PPME1: variants seen among roughly 807,000 people sequenced by gnomAD.
PPME1 encodes testicular secretory protein Li 39.
PPME1 carries 17 observed loss-of-function variants against 56.9 expected under a neutral mutation model. That is an observed-to-expected ratio of 0.30 (90% CI 0.20 to 0.45). The LOEUF (loss-of-function observed/expected upper bound fraction) is 0.45. Among genes scored for constraint, PPME1 ranks in the 20% least tolerant of loss-of-function variants. The pLI is 1.00. For synonymous variants in PPME1, 122 were observed against 156.2 expected (o/e 0.78, Z 1.63); for missense variants, 357 against 483.2 (o/e 0.74, Z 2.45).
Position 74,231,050 on chromosome 11 carries a change from G to T in PPME1, c.644+48G>T, listed in dbSNP as rs760946898. The T allele has an allele frequency of 4.2e-6, 6 of 1,444,860 alleles. No individual in the cohort carries two copies. The African/African-American group carries it at 8.5e-5, about 20-fold the overall frequency. The allele number at this position is 1,444,860 out of a possible 1,614,324, so 89.5% of individuals were successfully genotyped here. On this transcript the variant is annotated intron_variant, in intron 7 of 13. Coordinates refer to ENST00000328257, the MANE Select transcript of PPME1 (RefSeq NM_016147.3). ...CTTTATTTAATTAATTTGTTTGTTTGTTTGCTTGCTTATTTATTTATTTAG... is the reference window on the plus strand; with the variant it reads ...CTTTATTTAATTAATTTGTTTGTTTTTTTGCTTGCTTATTTATTTATTTAG...
chr11:74,219,831 T>C (rs1175492364), intron 3 of PPME1, among the ~76,000 whole-genome samples: 12 of 152,110 alleles, frequency 7.9e-5, no homozygotes, highest in Non-Finnish European at 1.5e-4. Context: ...GAATAAGATC[T>C]TGTATTTGAT....
chr11:74,195,891 CAGTT>C (rs753075503), intron 1 of PPME1, among the ~76,000 whole-genome samples: 19 of 152,102 alleles, frequency 1.2e-4, no homozygotes, highest in African/African-American at 1.9e-4. Context: ...TTTTGGGAAA[CAGTT>C]AGTGACACTT....
chr11:74,252,794 T>TA (rs1218900767), intron 13 of PPME1, among the ~76,000 whole-genome samples: 1 of 152,084 alleles, frequency 6.6e-6, no homozygotes, highest in Non-Finnish European at 1.5e-5. Context: ...CAGGGCCAGG[T>TA]CTCTCATCCT....
intron 3 of PPME1, 82 bp downstream of exon 3, chr11:74,204,527 A>C (rs1196125512): frequency 4.0e-5 from 49 of 1,216,698 alleles, no homozygotes; most frequent in Non-Finnish European, 5.4e-5. Context: ...GGAAGTTAAC[A>C]CATTCTATTT....
At position 74,235,798 on chromosome 11, in the gene PPME1, T is replaced by C. The variant is rs1859175991; in HGVS notation, c.645-103T>C. 2.0e-6 allele frequency: 3 copies of C among 1,515,492 alleles called. No individual in the cohort carries two copies. The Admixed American group carries it at 6.0e-5, about 30-fold the overall frequency. 93.9% of individuals were successfully genotyped at this position (1,515,492 alleles called of 1,614,324 possible). ...TAAGAAACACTGGTGATCACTACTT[T>C]TTATTAGGTCTCACATAATCTGTAG... On this transcript the variant is annotated intron_variant, in intron 7 of 13. Transcript: ENST00000328257.
At chr11:74,177,350 T>C (rs1857425293) in intron 1 of PPME1, among the ~76,000 whole-genome samples, 1 of 151,728 alleles carries the variant, frequency 6.6e-6, no homozygotes, top group South Asian at 2.1e-4. Flanking sequence ...TAGTCCCAGC[T>C]ACTCTGGAGG....
intron 7 of PPME1, among the ~76,000 whole-genome samples, chr11:74,235,225 C>T (rs752601835): frequency 6.6e-6 from 1 of 152,176 alleles, no homozygotes; most frequent in African/African-American, 2.4e-5. Context: ...TCATTTTGCT[C>T]TGCCTTAGTT....
rs114477744 is a variant in PPME1 at position 74,195,797 on chromosome 11, T to G, written c.102-7931T>G. On this transcript the variant is annotated intron_variant, in intron 1 of 13. Coordinates refer to ENST00000328257, the MANE Select transcript of PPME1 (RefSeq NM_016147.3). ...TAATTTAAATTTTATGTATCTTAAA[T>G]TGGAAACCTTTTCATATCTTTATGG... Among the ~76,000 whole-genome samples, 307 of 152,354 alleles carry G rather than the reference T, an allele frequency of 2.0e-3. 1 individual carries two copies. Among genetic ancestry groups the G allele is most frequent in the African/African-American group, 7.0e-3 (293 of 41,600 alleles).
chr11:74,186,931 A>G (rs1260042455), intron 1 of PPME1, among the ~76,000 whole-genome samples: 2 of 152,170 alleles, frequency 1.3e-5, no homozygotes, highest in Admixed American at 6.5e-5. Context: ...TATGTATGAT[A>G]TGAGGAATGA....
chr11:74,192,125 G>C (rs1347836592), intron 1 of PPME1, among the ~76,000 whole-genome samples: 2 of 152,202 alleles, frequency 1.3e-5, no homozygotes, highest in Non-Finnish European at 2.9e-5. Flanking sequence ...AGGTAGAGCT[G>C]CCCAAGGCCT....
chr11:74,243,159 C>G (rs1317771612), intron 9 of PPME1, among the ~76,000 whole-genome samples: 3 of 152,044 alleles, frequency 2.0e-5, no homozygotes, highest in Non-Finnish European at 2.9e-5. Context: ...ACAAGTGGAT[C>G]TCATTATATC....
chr11:74,246,039 G>C, intron 9 of PPME1, 37 bp from the exon 10 acceptor site: 1 of 1,561,336 alleles, frequency 6.4e-7, no homozygotes, highest in South Asian at 1.2e-5. Context: ...TCCAGGGGTT[G>C]CCCTCGGAGA....
At position 74,186,539 on chromosome 11, in the gene PPME1, G is replaced by C. The variant is rs948592468; in HGVS notation, c.101+15017G>C. Among the ~76,000 whole-genome samples, 7 of 152,222 alleles carry C rather than the reference G, an allele frequency of 4.6e-5. No homozygotes were observed. The Middle Eastern group carries it at 0.014, about 296-fold the overall frequency. On this transcript the variant is annotated intron_variant, in intron 1 of 13. Transcript: ENST00000328257. ...CCATTGGCCTTAGTTTTCTCGTTTG[G>C]AAAATGGGGATAATAATAGCTACCC... is the stretch of plus-strand genomic sequence containing the variant.
chr11:74,184,534 T>G (rs1271941595), intron 1 of PPME1, among the ~76,000 whole-genome samples: 1 of 152,256 alleles, frequency 6.6e-6, no homozygotes, highest in African/African-American at 2.4e-5. Context: ...TTTGTACTTT[T>G]GCCTCTTCCC....
At chr11:74,252,019 G>T (rs1343269757) in intron 13 of PPME1, among the ~76,000 whole-genome samples, 1 of 151,814 alleles carries the variant, frequency 6.6e-6, no homozygotes, top group Non-Finnish European at 1.5e-5. Flanking sequence ...ATAGGAATCA[G>T]TCCTTTTCCA....
intron 5 of PPME1, among the ~76,000 whole-genome samples, chr11:74,227,279 T>C (rs1858954650): frequency 6.6e-6 from 1 of 152,170 alleles, no homozygotes; most frequent in South Asian, 2.1e-4. Flanking sequence ...CACATCTATT[T>C]TTGTAGAGTA....
At chr11:74,251,255 T>C (rs1859652192) in intron 12 of PPME1, 1 of 1,379,112 alleles carries the variant, frequency 7.3e-7, no homozygotes, top group Non-Finnish European at 9.4e-7. Context: ...GGCCCTGTGG[T>C]TAAGATCTTA....
intron 3 of PPME1, among the ~76,000 whole-genome samples, chr11:74,220,291 C>T (rs1858764875): frequency 6.7e-6 from 1 of 149,774 alleles, no homozygotes; most frequent in African/African-American, 2.6e-5. Context: ...GATACAGAAG[C>T]ATATTATTAC....
chr11:74,194,613 CTATT>C (rs1330267139), intron 1 of PPME1, among the ~76,000 whole-genome samples: 1 of 151,400 alleles, frequency 6.6e-6, no homozygotes, highest in African/African-American at 2.4e-5. Flanking sequence ...AATATAACAT[CTATT>C]TATATAATAT....
Sources: gnomAD v4.1 joint callset for allele counts (sites outside exome capture counted in the v4.1 genomes callset) on GRCh38, gnomAD v4.1.1 for gene constraint, MANE v1.5 for transcripts, NCBI Gene and HGNC (gene_info 2026-07-23, HGNC 2026-07-21) for gene names.